CCSER1: variants seen among roughly 807,000 people sequenced by gnomAD.
CCSER1 encodes coiled-coil serine rich protein 1, also known as serine-rich coiled-coil domain-containing protein 1.
A neutral mutation model predicts 82.0 loss-of-function variants in CCSER1; 41 were observed. That is an observed-to-expected ratio of 0.50 (90% confidence interval 0.39 to 0.65). The LOEUF (loss-of-function observed/expected upper bound fraction) is 0.65. CCSER1 is among the 30% of genes least tolerant of loss of function. CCSER1 has a pLI of 0.00. For missense variants in CCSER1, 1,119 were observed against 1,064.2 expected (o/e 1.05, Z -0.72); for synonymous variants, 414 against 383.9 (o/e 1.08, Z -0.92).
At chr4:90,478,740 T>A (rs751910030) in intron 5 of CCSER1, among the ~76,000 whole-genome samples, 46 of 151,562 alleles carry the variant, frequency 3.0e-4, no homozygotes, top group Admixed American at 5.2e-4. Context: ...TCTTTTTTTT[T>A]TTTTTTTTTA....
intron 10 of CCSER1, among the ~76,000 whole-genome samples, chr4:91,498,631 T>G (rs766246696): frequency 1.1e-4 from 17 of 151,806 alleles, no homozygotes; most frequent in Non-Finnish European, 2.1e-4. Flanking sequence ...CTTTATAATT[T>G]TATTTCTCTT....
intron 7 of CCSER1, among the ~76,000 whole-genome samples, chr4:90,777,871 T>A (rs1036931043): frequency 6.6e-6 from 1 of 152,196 alleles, no homozygotes; most frequent in Non-Finnish European, 1.5e-5. Context: ...AAAGCATTAA[T>A]GTCTCAATGC....
chr4:91,155,239 G>A (rs1236907614), intron 10 of CCSER1, among the ~76,000 whole-genome samples: 1 of 151,794 alleles, frequency 6.6e-6, no homozygotes, highest in African/African-American at 2.4e-5. Context: ...TTGAATTATA[G>A]GGGTAGATTT....
chr4:90,380,518 A>G (rs1460419795), intron 3 of CCSER1, among the ~76,000 whole-genome samples: 5 of 152,184 alleles, frequency 3.3e-5, no homozygotes, highest in Admixed American at 1.3e-4. Context: ...AAGATACAAT[A>G]TTTAGCCTCG....
At chr4:90,393,995 G>C (rs1057018083) in intron 3 of CCSER1, among the ~76,000 whole-genome samples, 1 of 151,244 alleles carries the variant, frequency 6.6e-6, no homozygotes, top group Non-Finnish European at 1.5e-5. Flanking sequence ...GCCCAGGATG[G>C]TCTTAAATTC....
intron 10 of CCSER1, among the ~76,000 whole-genome samples, chr4:91,141,603 C>G (rs1045659979): frequency 6.6e-6 from 1 of 152,076 alleles, no homozygotes; most frequent in Non-Finnish European, 1.5e-5. Flanking sequence ...GTGCTTGTGT[C>G]TTTTTGGTAG....
At chr4:90,804,881 C>T (rs982213753) in intron 7 of CCSER1, among the ~76,000 whole-genome samples, 5 of 151,940 alleles carry the variant, frequency 3.3e-5, no homozygotes, top group Admixed American at 6.6e-5. Flanking sequence ...ATTTTTTATC[C>T]GTATTTCAGA....
intron 1 of CCSER1, among the ~76,000 whole-genome samples, chr4:90,307,761 T>A (rs1015162568): frequency 1.3e-5 from 2 of 152,148 alleles, no homozygotes; most frequent in African/African-American, 4.8e-5. Context: ...TGAGCTCACG[T>A]CAGTAACTTG....
chr4:91,416,266 G>A (rs934329319), intron 10 of CCSER1, among the ~76,000 whole-genome samples: 2 of 151,922 alleles, frequency 1.3e-5, no homozygotes, highest in Non-Finnish European at 2.9e-5. Context: ...TGTGAAAATG[G>A]TCATACTGCC....
intron 10 of CCSER1, among the ~76,000 whole-genome samples, chr4:91,131,075 G>A (rs528509163): frequency 1.0e-3 from 153 of 151,830 alleles, no homozygotes; most frequent in African/African-American, 3.4e-3. Flanking sequence ...ATCTCAATAT[G>A]TATACACAGA....
At chr4:90,844,924 T>C (rs188541806) in intron 8 of CCSER1, among the ~76,000 whole-genome samples, 198 of 152,304 alleles carry the variant, frequency 1.3e-3, no homozygotes, top group Middle Eastern at 3.4e-3. Context: ...AACTTTGGCA[T>C]TGTGGCCTGA....
chr4:90,938,747 A>T (rs1412464664), intron 9 of CCSER1: 2 of 344,428 alleles, frequency 5.8e-6, no homozygotes, highest in Admixed American at 6.0e-5. Flanking sequence ...TTAAATCATT[A>T]TCTGACAATA....
chr4:91,197,228 C>T (rs1318203758), intron 10 of CCSER1, among the ~76,000 whole-genome samples: 3 of 152,184 alleles, frequency 2.0e-5, no homozygotes, highest in Non-Finnish European at 4.4e-5. Context: ...TAAACATCTG[C>T]CAGATGCCCT....
At chr4:90,638,663 A>G (rs1014549055) in intron 6 of CCSER1, among the ~76,000 whole-genome samples, 16 of 152,200 alleles carry the variant, frequency 1.1e-4, no homozygotes, top group African/African-American at 3.6e-4. Context: ...AGGCCTGGTT[A>G]TGCTGCTGTA....
chr4:91,060,720 G>A (rs1177071819), intron 9 of CCSER1, among the ~76,000 whole-genome samples: 6 of 152,004 alleles, frequency 3.9e-5, no homozygotes, highest in Admixed American at 3.3e-4. Context: ...TCCTCATCCA[G>A]ATACTTAATG....
chr4:90,484,944 C>T (rs947380082), intron 5 of CCSER1, among the ~76,000 whole-genome samples: 5 of 152,196 alleles, frequency 3.3e-5, no homozygotes, highest in Admixed American at 6.5e-5. Context: ...TTATTGCTGT[C>T]TTTTGTTTGT....
chr4:91,336,349 C>T (rs1012258892), intron 10 of CCSER1, among the ~76,000 whole-genome samples: 3 of 152,024 alleles, frequency 2.0e-5, no homozygotes, highest in Non-Finnish European at 2.9e-5. Flanking sequence ...ATTTAATATT[C>T]TATAAAGCTA....
chr4:91,210,804 G>A (rs1736753849), intron 10 of CCSER1, among the ~76,000 whole-genome samples: 1 of 151,808 alleles, frequency 6.6e-6, no homozygotes, highest in South Asian at 2.1e-4. Context: ...AACTTGAAGA[G>A]GTCTGAGGAT....
chr4:91,105,113 T>C (rs1334351469), intron 10 of CCSER1, among the ~76,000 whole-genome samples: 1 of 152,166 alleles, frequency 6.6e-6, no homozygotes, highest in East Asian at 1.9e-4. Flanking sequence ...TCATATAGAG[T>C]TTAGCTCCCA....
Sources: gnomAD v4.1 joint callset for allele counts (sites outside exome capture counted in the v4.1 genomes callset) on GRCh38, gnomAD v4.1.1 for gene constraint, MANE v1.5 for transcripts, NCBI Gene and HGNC (gene_info 2026-07-23, HGNC 2026-07-21) for gene names.